The following LHX6 variants were observed in gnomAD, a reference collection of about 807,000 sequenced individuals.
The protein encoded by LHX6 is LIM/homeobox protein Lhx6.
LHX6 carries 15 observed loss-of-function variants against 47.1 expected under a neutral mutation model. The observed-to-expected ratio is 0.32, with a 90% CI of 0.21 to 0.49. The LOEUF (loss-of-function observed/expected upper bound fraction) is 0.49, where lower values mean the gene tolerates loss of function less well. Ranked by LOEUF, LHX6 falls within the 20% of genes least tolerant of loss-of-function variation. LHX6 has a pLI of 0.99. For synonymous variants in LHX6, 242 were observed against 233.5 expected, an observed-to-expected ratio of 1.04 and a Z score of -0.33; for missense variants, 404 against 539.6, an observed-to-expected ratio of 0.75 and a Z score of 2.49.
Position 122,202,592 on chromosome 9 carries a change from T to C in LHX6, c.*2168A>G, listed in dbSNP as rs1830031812. ...AATCCCATCATGTTCTGGATTTCAG[T>C]GCCAGCACTTCTACTTGCATTAACT... is the stretch of plus-strand genomic sequence containing the variant. On this transcript the variant is annotated 3_prime_UTR_variant, in exon 10 of 10. Transcript: ENST00000394319. 6.6e-6 allele frequency: 1 copy of C among 152,642 alleles called. No individual in the cohort carries two copies. Among genetic ancestry groups the C allele is most frequent in the African/African-American group, 2.4e-5 (1 of 41,456 alleles). 9.5% of individuals were successfully genotyped at this position (152,642 alleles called of 1,614,324 possible).
At chr9:122,210,134 G>A (rs564525970) in intron 8 of LHX6, among the ~76,000 whole-genome samples, 4 of 152,066 alleles carry the variant, frequency 2.6e-5, no homozygotes, top group South Asian at 4.2e-4. Context: ...TAGCCAGGAC[G>A]GTCTTGATCT....
At chr9:122,211,364 G>C (rs775752017) in intron 8 of LHX6, among the ~76,000 whole-genome samples, 6 of 152,180 alleles carry the variant, frequency 3.9e-5, no homozygotes, top group Non-Finnish European at 5.9e-5. Flanking sequence ...CTTGGAAAAT[G>C]TATGTACATC....
Position 122,213,691 on chromosome 9 carries a change from G to C in LHX6, c.969C>G (p.Pro323=), listed in dbSNP as rs751320966. 1.7e-5 allele frequency: 28 copies of C among 1,612,716 alleles called. No individual in the cohort carries two copies. Among genetic ancestry groups the C allele is most frequent in the Non-Finnish European group, 2.4e-5 (28 of 1,179,832 alleles). Residue 323 remains proline, a synonymous_variant, in exon 8 of 10, where the codon CCC becomes CCG. Transcript: ENST00000394319. The surrounding 1 kb of genome is among the most constrained non-coding windows in gnomAD (Gnocchi z 5.5). ...PPSGAPPSRL[P]SALSDDIHYT... The stretch of plus-strand genomic sequence containing the variant: ...AGTGGATGTCGTCGGACAGGGCGGA[G>C]GGAAGGCGGGACGGGGGCGCCCCCG...
intron 4 of LHX6, chr9:122,221,013 A>C (rs1830831668): frequency 1.1e-6 from 1 of 892,818 alleles, no homozygotes; most frequent in African/African-American, 1.8e-5. Context: ...GTACAAGGAA[A>C]CCAAACCTCA....
rs978138898 is a variant in LHX6 at position 122,213,311 on chromosome 9, A to C, written c.1054+295T>G. On this transcript the variant is annotated intron_variant, in intron 8 of 9. Coordinates refer to ENST00000394319, the MANE Select transcript of LHX6 (RefSeq NM_014368.5). This position sits in a 1 kb window ranked among gnomAD's most constrained non-coding sequence, Gnocchi z 5.5. ...GCTCCACAGAGTAGGTACCTTGTCC[A>C]GCCTGTTCTCTCCCCAGTCTCCGGG... 2.6e-5 allele frequency among the ~76,000 whole-genome samples: 4 copies of C among 152,112 alleles called. No homozygotes were observed. The highest frequency in any genetic ancestry group is 6.5e-5 in the Admixed American group (1 of 15,274).
intron 4 of LHX6, chr9:122,221,299 C>T: frequency 2.1e-5 from 21 of 985,498 alleles, no homozygotes; most frequent in Non-Finnish European, 2.5e-5. Context: ...CGAGGCTCCT[C>T]CCCCAGCTCC....
In LHX6 at chr9:122,227,476, A is replaced by G. The variant is rs1831159599; in HGVS notation, c.89T>C (p.Met30Thr). The change falls in exon 2 of 10, where the codon ATG becomes ACG. Residue 30 changes from methionine (M) to threonine (T), a missense_variant. Physicochemically the swap from Met to Thr is moderately conservative, Grantham distance 81. This residue lies in a region of LHX6 where 144 missense variants were observed against 128.7 expected (regional missense o/e 1.12). Coordinates refer to ENST00000394319, the MANE Select transcript of LHX6 (RefSeq NM_014368.5). ...TTTGCAGCCGGACCCTGGCTGGGCC[A>G]TCACCTGGGGGAGGGGGGGAGGGAA... ...AEGGPATDQV[M>T]AQPGSGCKAT... 1.5e-6 allele frequency: 2 copies of G among 1,329,814 alleles called. No individual in the cohort carries two copies. The highest frequency in any genetic ancestry group is 2.2e-5 in the Admixed American group (1 of 45,174). The allele number at this position is 1,329,814 out of a possible 1,614,324, so 82.4% of individuals were successfully genotyped here.
intron 4 of LHX6, among the ~76,000 whole-genome samples, chr9:122,225,850 G>A (rs1187062783): frequency 6.6e-6 from 1 of 152,218 alleles, no homozygotes; most frequent in East Asian, 1.9e-4. Context: ...GGTGCTTTGG[G>A]CTGGACCAGA....
At chr9:122,204,850 T>G (rs1324075925) in intron 9 of LHX6, 70 bp from the exon 10 acceptor site, 5 of 1,122,052 alleles carry the variant, frequency 4.5e-6, no homozygotes, top group South Asian at 1.7e-5. Flanking sequence ...CCAGAGAACC[T>G]CAAAGGCACA....
rs930690814 is a variant in LHX6 at position 122,204,125 on chromosome 9, G to C, written c.*635C>G. 1 of 152,334 alleles carries C rather than the reference G, an allele frequency of 6.6e-6. No homozygotes were observed. Among genetic ancestry groups the C allele is most frequent in the Non-Finnish European group, 1.5e-5 (1 of 68,092 alleles). The allele number at this position is 152,334 out of a possible 1,614,324, so 9.4% of individuals were successfully genotyped here. A position where few individuals can be genotyped will look rare whatever the true frequency, so the allele number is the denominator to read the frequency against. ...TTCTCCCCATTCCCTGTCTATCCCCGCTGCCTCCTAGTCTGGGCAGGCCTC... is the reference window on the plus strand; with the variant it reads ...TTCTCCCCATTCCCTGTCTATCCCCCCTGCCTCCTAGTCTGGGCAGGCCTC... On this transcript the variant is annotated 3_prime_UTR_variant, in exon 10 of 10. Transcript: ENST00000394319.
chr9:122,204,647 CG>C lies in LHX6; in HGVS notation c.*112del. 2 of 1,309,424 alleles carry C rather than the reference CG, an allele frequency of 1.5e-6. No individual in the cohort carries two copies. Among genetic ancestry groups the C allele is most frequent in the South Asian group, 1.4e-5 (1 of 70,156 alleles). The allele number at this position is 1,309,424 out of a possible 1,614,324, so 81.1% of individuals were successfully genotyped here. ...ACCTGGTGGTGGGCAGGATGGCGGACGGGGGTGGATGCGGAGGTGGGTGGAC... is the reference window on the plus strand; with the variant it reads ...ACCTGGTGGTGGGCAGGATGGCGGACGGGGTGGATGCGGAGGTGGGTGGAC... On this transcript the variant is annotated 3_prime_UTR_variant, in exon 10 of 10. Coordinates refer to ENST00000394319, the MANE Select transcript of LHX6 (RefSeq NM_014368.5).
chr9:122,221,694 G>C, intron 4 of LHX6: 1 of 985,466 alleles, frequency 1.0e-6, no homozygotes, highest in Non-Finnish European at 1.2e-6. Context: ...GGCCTCTGAG[G>C]TCACTCCTGC....
chr9:122,223,440 C>G (rs186729754), intron 4 of LHX6, among the ~76,000 whole-genome samples: 4 of 152,324 alleles, frequency 2.6e-5, no homozygotes, highest in Admixed American at 6.5e-5. Flanking sequence ...GGCTTGTGCC[C>G]AGCATCCACC....
intron 4 of LHX6, among the ~76,000 whole-genome samples, chr9:122,218,015 C>T (rs538637795): frequency 1.3e-5 from 2 of 152,270 alleles, no homozygotes; most frequent in Admixed American, 1.3e-4. Flanking sequence ...ATTAATAATA[C>T]CAAATGTTAA....
At position 122,226,445 on chromosome 9, in the gene LHX6, G is replaced by T. The variant is rs903795376; in HGVS notation, c.392C>A (p.Thr131Lys). The T allele has an allele frequency of 6.2e-7, 1 of 1,613,738 alleles. No homozygotes were observed. The highest frequency in any genetic ancestry group is 8.5e-7 in the Non-Finnish European group (1 of 1,179,938). The change falls in exon 4 of 10, where the codon ACG (threonine) becomes AAG (lysine). Residue 131 changes from threonine to lysine, a missense_variant. By Grantham distance (78) the Thr-to-Lys change is moderately conservative (BLOSUM62 -1). Coordinates refer to ENST00000394319, the MANE Select transcript of LHX6 (RefSeq NM_014368.5). This position sits in a 1 kb window ranked among gnomAD's most constrained non-coding sequence, Gnocchi z 6.5. ...VRCLECSVCR[T>K]SLRQQNSCYI... ...GCAGCTGTTCTGCTGCCTCAGCGAC[G>T]TGCGACACACGGAGCACTCGAGGCA...
At chr9:122,204,876 C>T in intron 9 of LHX6, 96 bp from the exon 10 acceptor site, 1 of 792,474 alleles carries the variant, frequency 1.3e-6, no homozygotes, top group East Asian at 3.1e-5. Context: ...GAAGGGTGGA[C>T]TCAGGGCCCA....
At chr9:122,219,491 G>C (rs1455098297) in intron 4 of LHX6, among the ~76,000 whole-genome samples, 3 of 152,190 alleles carry the variant, frequency 2.0e-5, no homozygotes, top group African/African-American at 7.2e-5. Context: ...CCGACCCCGG[G>C]TTCCGCCACC....
chr9:122,221,371 G>T (rs1341397623), intron 4 of LHX6: 3 of 985,528 alleles, frequency 3.0e-6, no homozygotes, highest in African/African-American at 3.5e-5. Flanking sequence ...GCTCTCTGCC[G>T]CGGTGGGGGG....
Position 122,227,499 on chromosome 9 carries a change from G to GCCAACCCCGGGGGGGGGGGGGGGGGGC in LHX6, c.85-20_85-19insGCCCCCCCCCCCCCCCCCCGGGGTTGG. 1 of 656,320 alleles carries GCCAACCCCGGGGGGGGGGGGGGGGGGC rather than the reference G, an allele frequency of 1.5e-6. No individual in the cohort carries two copies. The highest frequency in any genetic ancestry group is 2.5e-6 in the Non-Finnish European group (1 of 401,624). 40.7% of individuals were successfully genotyped at this position (656,320 alleles called of 1,614,324 possible). On this transcript the variant is annotated intron_variant, in intron 1 of 9. Coordinates refer to ENST00000394319, the MANE Select transcript of LHX6 (RefSeq NM_014368.5). ...CCATCACCTGGGGGAGGGGGGGAGG[G>GCCAACCCCGGGGGGGGGGGGGGGGGGC]AACGCAGGCGGCGGCGGCTGCTGAA... is the stretch of plus-strand genomic sequence containing the variant.
Sources: allele counts gnomAD v4.1 joint callset (sites outside exome capture counted in the v4.1 genomes callset), GRCh38; gene constraint gnomAD v4.1.1; regional missense constraint gnomAD v4.1.1; non-coding constraint Gnocchi (gnomAD v3.1); transcripts MANE v1.5; gene names NCBI Gene and HGNC (gene_info 2026-07-23, HGNC 2026-07-21).